RBFOX2: variants seen among roughly 807,000 people sequenced by gnomAD.
RBFOX2 encodes the protein RNA binding fox-1 homolog 2.
RBFOX2 carries 10 observed loss-of-function variants against 49.1 expected under a neutral mutation model. The observed-to-expected ratio is 0.20, with a 90% CI of 0.13 to 0.35. The LOEUF (loss-of-function observed/expected upper bound fraction) is 0.35, where lower values mean the gene tolerates loss of function less well. Among genes scored for constraint, RBFOX2 ranks in the 10% least tolerant of loss-of-function variants. The pLI is 1.00. For synonymous variants in RBFOX2, 183 were observed against 187.4 expected, an observed-to-expected ratio of 0.98 and a Z score of 0.19; for missense variants, 323 against 486.9, an observed-to-expected ratio of 0.66 and a Z score of 3.17.
chr22:36,027,303 C>T (rs568166019), intron 1 of RBFOX2, among the ~76,000 whole-genome samples: 1 of 152,238 alleles, frequency 6.6e-6, no homozygotes, highest in South Asian at 2.1e-4. Context: ...GAATTAGGCA[C>T]AAGTCTGCAC....
chr22:35,780,380 A>C (rs940921445), intron 3 of RBFOX2, among the ~76,000 whole-genome samples: 13 of 152,022 alleles, frequency 8.6e-5, no homozygotes, highest in Admixed American at 2.6e-4. Flanking sequence ...AAAAAAAAAA[A>C]CAAAAAAACT....
chr22:35,928,255 G>A (rs1196312790), intron 1 of RBFOX2, among the ~76,000 whole-genome samples: 51 of 152,098 alleles, frequency 3.4e-4, no homozygotes, highest in Non-Finnish European at 8.8e-5. Context: ...TCTGTTGGGG[G>A]GGCAGGGGTG....
intron 1 of RBFOX2, among the ~76,000 whole-genome samples, chr22:35,917,223 AG>A (rs1474398609): frequency 1.3e-5 from 2 of 152,244 alleles, no homozygotes; most frequent in African/African-American, 2.4e-5. Context: ...ACAAAAAAGA[AG>A]GGGAGGAAGA....
At chr22:35,746,332 G>A in intron 10 of RBFOX2, 141 bp downstream of exon 12, 2 of 743,676 alleles carry the variant, frequency 2.7e-6, no homozygotes, top group Non-Finnish European at 4.5e-6. Context: ...GCCATCAAGA[G>A]GTCTGCAGAA....
intron 1 of RBFOX2, among the ~76,000 whole-genome samples, chr22:35,814,957 T>G (rs1952731490): frequency 6.6e-6 from 1 of 152,082 alleles, no homozygotes; most frequent in Non-Finnish European, 1.5e-5. Flanking sequence ...AATTTTTCAA[T>G]CCGCAGCTAC....
chr22:36,025,768 C>T (rs962510483), intron 1 of RBFOX2, among the ~76,000 whole-genome samples: 1 of 152,180 alleles, frequency 6.6e-6, no homozygotes, highest in Admixed American at 6.5e-5. Flanking sequence ...GTGCCTCACA[C>T]CTGTAATCCC....
At chr22:35,960,432 T>A (rs1282902318) in intron 1 of RBFOX2, among the ~76,000 whole-genome samples, 2 of 152,126 alleles carry the variant, frequency 1.3e-5, no homozygotes, top group African/African-American at 4.8e-5. Flanking sequence ...AGACACACCA[T>A]CTAAAGCTGC....
At chr22:35,914,511 T>C (rs1738956552) in intron 1 of RBFOX2, among the ~76,000 whole-genome samples, 1 of 152,212 alleles carries the variant, frequency 6.6e-6, no homozygotes, top group African/African-American at 2.4e-5. Context: ...GCCAGTTCCT[T>C]CAAGTTCAAT....
chr22:35,905,996 G>C (rs1412637650), intron 1 of RBFOX2, among the ~76,000 whole-genome samples: 1 of 152,144 alleles, frequency 6.6e-6, no homozygotes, highest in Non-Finnish European at 1.5e-5. Context: ...AAAGGCATTA[G>C]GCTGTACCAT....
intron 9 of RBFOX2, chr22:35,752,789 T>C: frequency 3.4e-6 from 1 of 290,782 alleles, no homozygotes; most frequent in Non-Finnish European, 5.1e-6. Context: ...CAGGAGGTGA[T>C]TTAGGAGCAG....
intron 1 of RBFOX2, among the ~76,000 whole-genome samples, chr22:35,896,956 T>C (rs189494055): frequency 6.6e-6 from 1 of 152,332 alleles, no homozygotes; most frequent in East Asian, 1.9e-4. Flanking sequence ...TAATCAGTTT[T>C]TATACACAAC....
chr22:35,876,935 T>C (rs1168918186), intron 1 of RBFOX2, among the ~76,000 whole-genome samples: 1 of 152,192 alleles, frequency 6.6e-6, no homozygotes, highest in African/African-American at 2.4e-5. Context: ...AAGAGATACT[T>C]TTCCCCCAGA....
At chr22:35,878,225 T>C (rs1335572409) in intron 1 of RBFOX2, among the ~76,000 whole-genome samples, 2 of 151,972 alleles carry the variant, frequency 1.3e-5, no homozygotes, top group African/African-American at 2.4e-5. Context: ...GGTGAAACCC[T>C]GTCTCTACTA....
upstream of RBFOX2, among the ~76,000 whole-genome samples, chr22:35,843,431 G>A (rs1174246636): frequency 8.5e-6 from 1 of 117,078 alleles, no homozygotes; most frequent in Non-Finnish European, 1.8e-5. Context: ...ACTTCTCCCT[G>A]TAGTCTCAAC....
At chr22:35,843,783 T>G (rs1184851544), upstream of RBFOX2, among the ~76,000 whole-genome samples, 1 of 152,220 alleles carries the variant, frequency 6.6e-6, no homozygotes, top group Non-Finnish European at 1.5e-5. Flanking sequence ...CAGAGGTTCT[T>G]AACCCAAAGT....
chr22:35,786,337 G>A lies in RBFOX2; in HGVS notation c.253-4591C>T, dbSNP rs187162373. ...AGTATGAAATCTTTAATTCTAAGTCGATCTGCCATGTAGAAAAAAGTGACC... is the reference window on the plus strand; with the variant it reads ...AGTATGAAATCTTTAATTCTAAGTCAATCTGCCATGTAGAAAAAAGTGACC... On this transcript the variant is annotated intron_variant, in intron 2 of 11. Transcript: ENST00000405409. 3.3e-5 allele frequency among the ~76,000 whole-genome samples: 5 copies of A among 152,246 alleles called. No homozygotes were observed. In the East Asian group the frequency reaches 5.8e-4, roughly 18 times the overall value.
chr22:35,933,643 T>C (rs1010436679), intron 1 of RBFOX2, among the ~76,000 whole-genome samples: 9 of 152,118 alleles, frequency 5.9e-5, no homozygotes, highest in Non-Finnish European at 1.0e-4. Flanking sequence ...AGATACAAAA[T>C]TGATGAAACA....
intron 1 of RBFOX2, among the ~76,000 whole-genome samples, chr22:35,971,351 G>A (rs776521636): frequency 6.6e-6 from 1 of 152,114 alleles, no homozygotes; most frequent in East Asian, 1.9e-4. Context: ...ATTCAGACAA[G>A]TGTGCAGGAT....
At chr22:35,768,228 C>T in intron 5 of RBFOX2, 29 bp downstream of exon 6, 1 of 1,599,024 alleles carries the variant, frequency 6.3e-7, no homozygotes, top group South Asian at 1.1e-5. Context: ...AAAATATAAA[C>T]CAGAAATTGA....
Sources: gnomAD v4.1 joint callset for allele counts (sites outside exome capture counted in the v4.1 genomes callset) on GRCh38, gnomAD v4.1.1 for gene constraint, MANE v1.5 for transcripts, NCBI Gene and HGNC (gene_info 2026-07-23, HGNC 2026-07-21) for gene names.